ARMC2: variants seen among roughly 807,000 people sequenced by gnomAD.
ARMC2 encodes armadillo repeat containing 2.
Under a neutral mutation model 90.3 loss-of-function variants are expected in ARMC2, and 67 were observed. The ratio of observed to expected loss-of-function variants is 0.74; its 90% confidence interval spans 0.61 to 0.91. The LOEUF (loss-of-function observed/expected upper bound fraction) is 0.91. Among genes scored for constraint, ARMC2 ranks in the 40% least tolerant of loss-of-function variants. ARMC2 has a pLI of 0.00. For missense variants in ARMC2, 920 were observed against 1,030.9 expected (o/e 0.89, Z 1.47); for synonymous variants, 393 against 393.0 (o/e 1.00, Z 0.00).
chr6:109,040,294 C>A, the ARMC2 span, among the ~76,000 whole-genome samples: 1 of 151,938 alleles, frequency 6.6e-6, no homozygotes, highest in African/African-American at 2.4e-5. Flanking sequence ...TTTAAATACA[C>A]CTTTTTGAAC....
chr6:108,931,768 CTT>C (rs796837673), intron 11 of ARMC2, among the ~76,000 whole-genome samples: 3 of 145,136 alleles, frequency 2.1e-5, no homozygotes. Flanking sequence ...TCTTTGCCCA[CTT>C]TTTTTTTTTT....
the ARMC2 span, among the ~76,000 whole-genome samples, chr6:109,022,484 G>A: frequency 1.4e-5 from 2 of 138,914 alleles, no homozygotes; most frequent in Non-Finnish European, 3.0e-5. Context: ...GTGCAGTGGC[G>A]CGATCTCGGC....
At chr6:108,908,060 AAC>A (rs1458110307) in intron 8 of ARMC2, among the ~76,000 whole-genome samples, 1 of 152,208 alleles carries the variant, frequency 6.6e-6, no homozygotes, top group African/African-American at 2.4e-5. Context: ...AAGCTTCCAC[AAC>A]AGTGTTTCCC....
chr6:108,985,262 A>G, the ARMC2 span, among the ~76,000 whole-genome samples: 2 of 151,534 alleles, frequency 1.3e-5, no homozygotes, highest in Admixed American at 6.6e-5. Flanking sequence ...GCCTAATAAA[A>G]AATTTTCCCA....
At chr6:108,992,954 AT>A in the ARMC2 span, 1 of 1,176,316 alleles carries the variant, frequency 8.5e-7, no homozygotes, top group Non-Finnish European at 1.3e-6. Context: ...GTTAAAATTG[AT>A]TTTACCCAAA....
intron 11 of ARMC2, 127 bp downstream of exon 11, chr6:108,928,360 A>G: frequency 9.8e-7 from 1 of 1,019,498 alleles, no homozygotes; most frequent in South Asian, 2.6e-5. Context: ...CCTACCAGAA[A>G]GGGTAAATCT....
At chr6:108,889,690 C>T (rs1056435794) in intron 5 of ARMC2, among the ~76,000 whole-genome samples, 26 of 151,502 alleles carry the variant, frequency 1.7e-4, no homozygotes, top group Admixed American at 5.9e-4. Context: ...TGCAAGTGAT[C>T]GTCTCACCTA....
chr6:109,031,206 G>A, the ARMC2 span, among the ~76,000 whole-genome samples: 2 of 152,180 alleles, frequency 1.3e-5, no homozygotes, highest in African/African-American at 4.8e-5. Context: ...GAGTGAGTTA[G>A]TAGTGGGAAA....
the ARMC2 span, chr6:108,998,409 C>A: frequency 3.6e-6 from 5 of 1,375,518 alleles, no homozygotes; most frequent in Middle Eastern, 4.7e-4. Flanking sequence ...AATATCTCCA[C>A]AGTCTTAACA....
At chr6:108,872,149 A>G (rs1776481664) in intron 4 of ARMC2, among the ~76,000 whole-genome samples, 1 of 152,250 alleles carries the variant, frequency 6.6e-6, no homozygotes, top group African/African-American at 2.4e-5. Flanking sequence ...CTGTGAAGTC[A>G]TTTGTGGCTG....
the ARMC2 span, among the ~76,000 whole-genome samples, chr6:109,021,230 G>A: frequency 1.3e-5 from 2 of 152,100 alleles, no homozygotes; most frequent in Non-Finnish European, 2.9e-5. Flanking sequence ...GTGAACTCCC[G>A]CCTCAGCCTC....
intron 3 of ARMC2, among the ~76,000 whole-genome samples, chr6:108,867,852 T>C (rs1775983363): frequency 6.6e-6 from 1 of 151,856 alleles, no homozygotes; most frequent in Non-Finnish European, 1.5e-5. Context: ...GAGAATCACT[T>C]GAATCCGGAA....
At chr6:109,047,622 G>A in the ARMC2 span, among the ~76,000 whole-genome samples, 1 of 144,696 alleles carries the variant, frequency 6.9e-6, no homozygotes, top group Non-Finnish European at 1.5e-5. Context: ...GAACGGGCCA[G>A]GATGACAATG....
intron 10 of ARMC2, among the ~76,000 whole-genome samples, chr6:108,923,836 T>TC (rs1774847251): frequency 6.6e-6 from 1 of 152,092 alleles, no homozygotes; most frequent in Non-Finnish European, 1.5e-5. Context: ...TCTGCTAAGC[T>TC]CCCGCACTTT....
At chr6:108,922,255 G>A (rs1278149558) in intron 10 of ARMC2, among the ~76,000 whole-genome samples, 4 of 152,010 alleles carry the variant, frequency 2.6e-5, no homozygotes, top group Admixed American at 2.0e-4. Context: ...ATCCAAGTCC[G>A]GAGGGCCCCC....
At chr6:109,032,497 A>C in the ARMC2 span, among the ~76,000 whole-genome samples, 1 of 151,854 alleles carries the variant, frequency 6.6e-6, no homozygotes, top group Non-Finnish European at 1.5e-5. Context: ...GCACACCTGT[A>C]ATCCCAGCTA....
chr6:108,864,067 T>C (rs1775556511), intron 3 of ARMC2, among the ~76,000 whole-genome samples: 1 of 152,010 alleles, frequency 6.6e-6, no homozygotes, highest in Non-Finnish European at 1.5e-5. Flanking sequence ...ACAAGTAGAG[T>C]AGAGCCAAAG....
intron 14 of ARMC2, 46 bp downstream of exon 14, chr6:108,961,740 T>G: frequency 6.5e-7 from 1 of 1,533,850 alleles, no homozygotes; most frequent in African/African-American, 1.4e-5. Context: ...TCATTTGAAG[T>G]TTCGATTTTA....
chr6:108,873,380 G>A lies in ARMC2; in HGVS notation c.464-2763G>A, dbSNP rs532433837. Among the ~76,000 whole-genome samples the A allele has an allele frequency of 5.3e-5, 8 of 152,272 alleles. 1 individual carries two copies. The highest frequency in any genetic ancestry group is 1.9e-4 in the African/African-American group (8 of 41,554). On this transcript the variant is annotated intron_variant, in intron 4 of 17. Coordinates refer to ENST00000392644, the MANE Select transcript of ARMC2 (RefSeq NM_032131.6). ...GGATGACATCCCAGCACCTCCAAGT[G>A]CACAGCTGTGTTGTGATCCAGCCCC...
Sources: gnomAD v4.1 joint callset for allele counts (sites outside exome capture counted in the v4.1 genomes callset) on GRCh38, gnomAD v4.1.1 for gene constraint, MANE v1.5 for transcripts, NCBI Gene and HGNC (gene_info 2026-07-23, HGNC 2026-07-21) for gene names.